NPC1: variants seen among roughly 807,000 people sequenced by gnomAD.
The protein encoded by NPC1 is NPC intracellular cholesterol transporter 1, also known as Niemann-Pick C1 protein.
NPC1 carries 85 observed loss-of-function variants against 140.4 expected under a neutral mutation model. The ratio of observed to expected loss-of-function variants is 0.61; its 90% CI spans 0.51 to 0.72. The LOEUF is 0.72. NPC1 is among the 30% of genes least tolerant of loss of function. The probability of loss-of-function intolerance (pLI) is 0.00; values close to 1 mark genes in which losing one functional copy is unlikely to be tolerated. For synonymous variants in NPC1, 656 were observed against 624.8 expected, an observed-to-expected ratio of 1.05 and a Z score of -0.74; for missense variants, 1,504 against 1,623.8, an observed-to-expected ratio of 0.93 and a Z score of 1.27.
chr18:23,528,956 C>T (rs571012901), downstream of NPC1: 64 of 549,418 alleles, frequency 1.2e-4, no homozygotes, highest in African/African-American at 8.3e-4. Context: ...CTTGGCTCAC[C>T]GCAACCTCTG....
At chr18:23,579,206 G>A (rs1019766307) in intron 1 of NPC1, among the ~76,000 whole-genome samples, 1 of 152,222 alleles carries the variant, frequency 6.6e-6, no homozygotes, top group Non-Finnish European at 1.5e-5. Context: ...TTGCAAAGTT[G>A]TGATGTTGGG....
intron 7 of NPC1, 127 bp from the exon 8 acceptor site, chr18:23,556,740 A>T: frequency 1.4e-6 from 2 of 1,412,592 alleles, no homozygotes; most frequent in Non-Finnish European, 2.0e-6. Context: ...CACATATGAG[A>T]CCCCTGCCCT....
downstream of NPC1, among the ~76,000 whole-genome samples, chr18:23,527,043 C>A (rs1446183818): frequency 3.3e-5 from 5 of 151,984 alleles, no homozygotes; most frequent in African/African-American, 7.3e-5. Context: ...TCACACACAC[C>A]TCTTTCAAAA....
chr18:23,527,488 C>T (rs1035992634), downstream of NPC1, among the ~76,000 whole-genome samples: 1 of 151,548 alleles, frequency 6.6e-6, no homozygotes, highest in African/African-American at 2.4e-5. Flanking sequence ...CCTTGTTGCC[C>T]AGGCTGGTCT....
At chr18:23,533,258 G>T in intron 24 of NPC1, 97 bp downstream of exon 24, 1 of 1,255,896 alleles carries the variant, frequency 8.0e-7, no homozygotes, top group Non-Finnish European at 1.2e-6. Context: ...ATGACCATTA[G>T]TATGAGTTCA....
At chr18:23,523,524 A>T (rs887186215) in intron 1 of NPC1, among the ~76,000 whole-genome samples, 5 of 145,968 alleles carry the variant, frequency 3.4e-5, no homozygotes, top group Non-Finnish European at 7.5e-5. Context: ...CAGCCTAGGT[A>T]ACATAGACCT....
intron 11 of NPC1, among the ~76,000 whole-genome samples, chr18:23,546,753 C>T (rs890658940): frequency 3.9e-5 from 6 of 152,170 alleles, no homozygotes; most frequent in Admixed American, 2.0e-4. Flanking sequence ...AAAAAGTCCA[C>T]ATATTATTCT....
chr18:23,525,688 G>T (rs982737015), downstream of NPC1, among the ~76,000 whole-genome samples: 1 of 152,128 alleles, frequency 6.6e-6, no homozygotes, highest in African/African-American at 2.4e-5. Context: ...CTCCCAAAGT[G>T]CTGGGATTAC....
At chr18:23,539,503 C>T (rs758381090) in intron 18 of NPC1, 33 bp from the exon 19 acceptor site, 10 of 1,434,320 alleles carry the variant, frequency 7.0e-6, no homozygotes, top group Non-Finnish European at 8.8e-6. Flanking sequence ...CTGACCTGCT[C>T]CACAGGGAGG....
intron 4 of NPC1, among the ~76,000 whole-genome samples, chr18:23,566,051 T>C (rs2059118793): frequency 6.6e-6 from 1 of 152,114 alleles, no homozygotes; most frequent in African/African-American, 2.4e-5. Context: ...TCTCATTTCC[T>C]CATTACCCAG....
At chr18:23,563,784 G>A (rs185283156) in intron 4 of NPC1, among the ~76,000 whole-genome samples, 2 of 152,212 alleles carry the variant, frequency 1.3e-5, no homozygotes, top group South Asian at 2.1e-4. Flanking sequence ...TTCTTGTTAT[G>A]TGACTTTGAT....
At chr18:23,559,659 T>C (rs1350921905) in intron 6 of NPC1, among the ~76,000 whole-genome samples, 1 of 151,498 alleles carries the variant, frequency 6.6e-6, no homozygotes, top group Non-Finnish European at 1.5e-5. Context: ...TTCTAAAGAA[T>C]GAGTGGCCGG....
chr18:23,575,769 CAAAA>C lies in NPC1; in HGVS notation c.58-2199_58-2196del, dbSNP rs35922440. On this transcript the variant is annotated intron_variant, in intron 1 of 24. Transcript: ENST00000269228. Reference sequence around the variant, plus strand: ...CTTCTAGAGACACAGCAGAGAAGACCAAAAAAAAAAAAAAAAAAAAAAAAAAAGT... The same window carrying C: ...CTTCTAGAGACACAGCAGAGAAGACCAAAAAAAAAAAAAAAAAAAAAAAGT... 3.7e-4 allele frequency among the ~76,000 whole-genome samples: 13 copies of C among 35,106 alleles called. No individual in the cohort carries two copies. In the Admixed American group the frequency reaches 3.8e-3, roughly 10 times the overall value. 23.0% of individuals were successfully genotyped at this position (35,106 alleles called of 152,430 possible).
chr18:23,539,013 A>C (rs2058673418), intron 19 of NPC1: 5 of 448,480 alleles, frequency 1.1e-5, no homozygotes, highest in Non-Finnish European at 1.6e-5. Flanking sequence ...CTACAAAACC[A>C]CAGGGTAAAG....
downstream of NPC1, chr18:23,529,822 C>T (rs2058435399): frequency 8.5e-7 from 1 of 1,177,760 alleles, no homozygotes; most frequent in Non-Finnish European, 1.2e-6. Context: ...GCCTCCCTGA[C>T]TCAGAATGCT....
At chr18:23,551,978 G>A (rs2058879548) in intron 9 of NPC1, among the ~76,000 whole-genome samples, 1 of 152,214 alleles carries the variant, frequency 6.6e-6, no homozygotes, top group Non-Finnish European at 1.5e-5. Context: ...AGGCACAGAG[G>A]AGGGAGCAAA....
intron 3 of NPC1, among the ~76,000 whole-genome samples, chr18:23,514,418 G>T (rs1160705954): frequency 6.6e-6 from 1 of 152,210 alleles, no homozygotes; most frequent in Admixed American, 6.5e-5. Context: ...TTAGCTGGGT[G>T]TGGTGGTGGG....
chr18:23,530,469 G>C, downstream of NPC1: 1 of 1,614,254 alleles, frequency 6.2e-7, no homozygotes, highest in African/African-American at 1.3e-5. Context: ...TTTATCCGGG[G>C]CATTGGTGGC....
Position 23,531,891 on chromosome 18 carries a change from A to T in NPC1, c.*311T>A. 3 of 1,420,852 alleles carry T rather than the reference A, an allele frequency of 2.1e-6. No individual in the cohort carries two copies. In the South Asian group the frequency reaches 4.5e-5, roughly 21 times the overall value. 88.0% of individuals were successfully genotyped at this position (1,420,852 alleles called of 1,614,324 possible). On this transcript the variant is annotated 3_prime_UTR_variant, in exon 25 of 25. Transcript: ENST00000269228. ...ACAGACAGTGCATTGATTGGCCTTT[A>T]CAGAGTGTCAGTGAGCGGATCACAT...
Sources: gnomAD v4.1 joint callset for allele counts (sites outside exome capture counted in the v4.1 genomes callset) on GRCh38, gnomAD v4.1.1 for gene constraint, MANE v1.5 for transcripts, NCBI Gene and HGNC (gene_info 2026-07-23, HGNC 2026-07-21) for gene names.